The following ANAPC5 variants were observed in gnomAD, a reference collection of about 807,000 sequenced individuals.
ANAPC5 encodes the protein anaphase-promoting complex subunit 5.
A neutral mutation model predicts 91.3 loss-of-function variants in ANAPC5; 60 were observed. The ratio of observed to expected loss-of-function variants is 0.66; its 90% confidence interval spans 0.53 to 0.81. The LOEUF (loss-of-function observed/expected upper bound fraction) is 0.81. ANAPC5 is among the 40% of genes least tolerant of loss of function. The probability of loss-of-function intolerance (pLI) is 0.00; values close to 1 mark genes in which losing one functional copy is unlikely to be tolerated. For missense variants in ANAPC5, 690 were observed against 931.5 expected (o/e 0.74, Z 3.37); for synonymous variants, 340 against 364.1 (o/e 0.93, Z 0.75).
chr12:121,352,126 C>T lies in ANAPC5; in HGVS notation c.207+8G>A, dbSNP rs1903916562. ...CTGCACGAGCAGGAGCCAGCGGGCG[C>T]CTCTCACCTGCAGCAGGGGCAGGAG... On this transcript the variant is annotated splice_region_variant and intron_variant, in intron 1 of 16. Transcript: ENST00000261819. 2 of 1,600,364 alleles carry T rather than the reference C, an allele frequency of 1.2e-6. No homozygotes were observed. Among genetic ancestry groups the T allele is most frequent in the African/African-American group, 2.7e-5 (2 of 74,766 alleles).
At chr12:121,319,970 C>T (rs1006291200) in intron 12 of ANAPC5, 152 bp from the exon 13 acceptor site, 2 of 740,644 alleles carry the variant, frequency 2.7e-6, no homozygotes, top group Non-Finnish European at 4.1e-6. Context: ...TAAAATATCT[C>T]AAGTATGTGA....
chr12:121,311,053 G>C (rs917187739), intron 15 of ANAPC5, among the ~76,000 whole-genome samples: 1 of 151,000 alleles, frequency 6.6e-6, no homozygotes, highest in African/African-American at 2.4e-5. Flanking sequence ...AGTATCCACT[G>C]TATGCTGTCT....
intron 15 of ANAPC5, among the ~76,000 whole-genome samples, chr12:121,313,408 A>G (rs2136755691): frequency 6.6e-6 from 1 of 152,324 alleles, no homozygotes; most frequent in South Asian, 2.1e-4. Context: ...AATAAGGATT[A>G]AAGTGGAGAT....
intron 11 of ANAPC5, among the ~76,000 whole-genome samples, chr12:121,321,342 AC>A (rs1388644822): frequency 2.2e-5 from 3 of 133,838 alleles, no homozygotes; most frequent in Admixed American, 7.9e-5. Flanking sequence ...CAAACAAATT[AC>A]TTTTTTTTTT....
intron 15 of ANAPC5, among the ~76,000 whole-genome samples, chr12:121,313,452 A>G (rs1902247213): frequency 6.6e-6 from 1 of 152,236 alleles, no homozygotes; most frequent in African/African-American, 2.4e-5. Context: ...CAACAGAGAG[A>G]ATCAATAAAA....
Position 121,342,073 on chromosome 12 carries a change from G to GA in ANAPC5, c.591-5dup, listed in dbSNP as rs781963921. The GA allele has an allele frequency of 1.4e-5, 23 of 1,587,078 alleles. No homozygotes were observed. The East Asian group carries it at 4.7e-4, about 32-fold the overall frequency. ...ACTGCAAGATACCTCCTCTTCTCTG[G>GA]AAAAAATAAAAAAACAAAAATAGTA... On this transcript the variant is annotated splice_polypyrimidine_tract_variant and splice_region_variant and intron_variant, in intron 4 of 16. Coordinates refer to ENST00000261819, the MANE Select transcript of ANAPC5 (RefSeq NM_016237.5). This position sits in a 1 kb window ranked among gnomAD's most constrained non-coding sequence, Gnocchi z 4.1.
intron 15 of ANAPC5, among the ~76,000 whole-genome samples, chr12:121,316,529 C>T (rs1161352700): frequency 1.3e-5 from 2 of 151,950 alleles, no homozygotes; most frequent in East Asian, 1.9e-4. Flanking sequence ...GTCAGGAGAT[C>T]GAGACCACCC....
intron 11 of ANAPC5, 93 bp from the exon 12 acceptor site, chr12:121,320,552 C>A (rs966607117): frequency 9.8e-7 from 1 of 1,018,566 alleles, no homozygotes; most frequent in South Asian, 1.6e-5. Context: ...CACCTGTTCC[C>A]GTTCTTGATG....
At chr12:121,309,970 C>G in intron 15 of ANAPC5, 107 bp from the exon 16 acceptor site, 1 of 1,112,926 alleles carries the variant, frequency 9.0e-7, no homozygotes, top group Non-Finnish European at 1.3e-6. Flanking sequence ...TCTGGCTTAC[C>G]TTTTACCTGA....
intron 15 of ANAPC5, 193 bp from the exon 16 acceptor site, chr12:121,310,056 A>T: frequency 2.3e-6 from 1 of 443,640 alleles, no homozygotes; most frequent in Admixed American, 4.1e-5. Context: ...ACTATGACAA[A>T]TATAGCAGGG....
chr12:121,338,340 A>C (rs1903321891), intron 5 of ANAPC5, among the ~76,000 whole-genome samples: 1 of 152,174 alleles, frequency 6.6e-6, no homozygotes. Flanking sequence ...CTGTAATCCC[A>C]GCACTTTGGG....
chr12:121,347,587 C>T, intron 2 of ANAPC5: 1 of 528,532 alleles, frequency 1.9e-6, no homozygotes, highest in Non-Finnish European at 3.3e-6. Context: ...GCCCTGATTG[C>T]ACCATTGTAC....
At chr12:121,340,042 C>T (rs1488919260) in intron 5 of ANAPC5, among the ~76,000 whole-genome samples, 2 of 151,216 alleles carry the variant, frequency 1.3e-5, no homozygotes, top group Admixed American at 6.6e-5. Context: ...TCTGGCCAGG[C>T]GCAGTGGCTC....
chr12:121,322,309 C>T (rs766944732), intron 11 of ANAPC5, among the ~76,000 whole-genome samples: 5 of 151,954 alleles, frequency 3.3e-5, no homozygotes, highest in African/African-American at 4.8e-5. Context: ...CAGGCAGACA[C>T]CACCACACCC....
intron 11 of ANAPC5, among the ~76,000 whole-genome samples, chr12:121,323,709 C>T (rs931364405): frequency 6.6e-6 from 1 of 152,260 alleles, no homozygotes; most frequent in Non-Finnish European, 1.5e-5. Flanking sequence ...CACTTTTTGT[C>T]TACATAGACG....
intron 7 of ANAPC5, chr12:121,333,991 A>G (rs1266779259): frequency 2.6e-5 from 4 of 152,088 alleles, no homozygotes; most frequent in African/African-American, 9.7e-5. Context: ...AAGCCTCACA[A>G]CTGGGTTGGC....
At chr12:121,330,740 T>C (rs781865469) in intron 8 of ANAPC5, 68 bp from the exon 9 acceptor site, 9 of 1,296,152 alleles carry the variant, frequency 6.9e-6, no homozygotes, top group Admixed American at 3.5e-5. Context: ...GAAATATCAA[T>C]GTGGTCATAA....
intron 5 of ANAPC5, among the ~76,000 whole-genome samples, chr12:121,341,195 C>G (rs1555274052): frequency 6.6e-6 from 1 of 151,706 alleles, no homozygotes; most frequent in African/African-American, 2.4e-5. Context: ...ATGTTTGGGG[C>G]ACGCTGGTTC....
intron 8 of ANAPC5, 168 bp downstream of exon 8, chr12:121,331,179 G>A (rs1903030162): frequency 1.3e-5 from 7 of 552,050 alleles, no homozygotes; most frequent in Admixed American, 3.0e-5. Context: ...AATTAAGAAA[G>A]GTAAGTAAAG....
Sources: gnomAD v4.1 joint callset for allele counts (sites outside exome capture counted in the v4.1 genomes callset) on GRCh38, gnomAD v4.1.1 for gene constraint, Gnocchi (gnomAD v3.1) non-coding constraint, MANE v1.5 for transcripts, NCBI Gene and HGNC (gene_info 2026-07-23, HGNC 2026-07-21) for gene names.